Variants in CA10 observed in about 807,000 individuals in gnomAD.
CA10 encodes the protein carbonic anhydrase-related protein 10.
Under a neutral mutation model 44.2 loss-of-function variants are expected in CA10, and 14 were observed. The ratio of observed to expected loss-of-function variants is 0.32; its 90% CI spans 0.21 to 0.50. The LOEUF (loss-of-function observed/expected upper bound fraction) is 0.50, where lower values mean the gene tolerates loss of function less well. Among genes scored for constraint, CA10 ranks in the 20% least tolerant of loss-of-function variants. CA10 has a pLI of 0.99. For synonymous variants in CA10, 159 were observed against 141.6 expected, an observed-to-expected ratio of 1.12 and a Z score of -0.87; for missense variants, 350 against 409.7, an observed-to-expected ratio of 0.85 and a Z score of 1.26.
intron 4 of CA10, among the ~76,000 whole-genome samples, chr17:51,739,846 G>A (rs1480727513): frequency 6.6e-6 from 1 of 152,128 alleles, no homozygotes; most frequent in Non-Finnish European, 1.5e-5. Context: ...GGTGGGACTG[G>A]CTCTTAGAAT....
At chr17:52,117,694 T>G in intron 1 of CA10, among the ~76,000 whole-genome samples, 1 of 152,208 alleles carries the variant, frequency 6.6e-6, no homozygotes, top group East Asian at 1.9e-4. Context: ...AGTTAAAAAT[T>G]CCTAAGAGTT....
chr17:51,647,527 C>T (rs1055009466), intron 6 of CA10, among the ~76,000 whole-genome samples: 28 of 152,078 alleles, frequency 1.8e-4, no homozygotes, highest in African/African-American at 6.5e-4. Context: ...AGCCACATCA[C>T]TTAATATTAA....
intron 3 of CA10, among the ~76,000 whole-genome samples, chr17:51,894,463 A>G (rs992023670): frequency 1.3e-5 from 2 of 152,084 alleles, no homozygotes; most frequent in Non-Finnish European, 2.9e-5. Context: ...CATACCTCCT[A>G]AAGAAAAGAC....
intron 3 of CA10, among the ~76,000 whole-genome samples, chr17:51,909,710 C>T (rs1266551960): frequency 6.6e-6 from 1 of 152,032 alleles, no homozygotes; most frequent in Non-Finnish European, 1.5e-5. Flanking sequence ...AATTTAGTTT[C>T]CCAGAAAAAG....
At chr17:51,999,478 T>C (rs77005860) in intron 2 of CA10, among the ~76,000 whole-genome samples, 1,650 of 152,120 alleles carry the variant, frequency 0.011, 25 homozygotes, top group African/African-American at 0.038. Context: ...TCTTTTTATG[T>C]GGGCAAGATT....
intron 4 of CA10, among the ~76,000 whole-genome samples, chr17:51,686,684 C>T (rs1567803052): frequency 6.6e-6 from 1 of 152,156 alleles, no homozygotes; most frequent in African/African-American, 2.4e-5. Flanking sequence ...CCCACTTAAT[C>T]TCTCCACTTG....
chr17:52,104,571 T>C (rs1227083294), intron 1 of CA10, among the ~76,000 whole-genome samples: 1 of 152,082 alleles, frequency 6.6e-6, no homozygotes, highest in African/African-American at 2.4e-5. Flanking sequence ...TGGGAGAACT[T>C]TGTCAAAGCA....
At chr17:51,700,385 G>A (rs1337720952) in intron 4 of CA10, among the ~76,000 whole-genome samples, 1 of 152,168 alleles carries the variant, frequency 6.6e-6, no homozygotes. Flanking sequence ...GGCAATGGCT[G>A]ACAAGACCCC....
intron 4 of CA10, among the ~76,000 whole-genome samples, chr17:51,672,390 A>G (rs1914462118): frequency 6.6e-6 from 1 of 152,220 alleles, no homozygotes; most frequent in Admixed American, 6.5e-5. Flanking sequence ...AAGTGAGTAC[A>G]GTATTGCAGC....
intron 2 of CA10, among the ~76,000 whole-genome samples, chr17:52,048,546 C>T (rs1440567443): frequency 3.9e-5 from 6 of 151,948 alleles, no homozygotes; most frequent in African/African-American, 1.2e-4. Context: ...TGAATTTGAT[C>T]ATTTTCAGCT....
intron 3 of CA10, among the ~76,000 whole-genome samples, chr17:51,816,023 A>G (rs561951355): frequency 6.6e-6 from 1 of 152,154 alleles, no homozygotes; most frequent in East Asian, 1.9e-4. Context: ...GATCTTGTTC[A>G]TTCTTTCTAA....
intron 2 of CA10, among the ~76,000 whole-genome samples, chr17:51,932,065 G>A (rs1361601966): frequency 6.6e-6 from 1 of 152,050 alleles, no homozygotes; most frequent in East Asian, 1.9e-4. Context: ...AGTACATGCA[G>A]TGAACTCCTA....
intron 4 of CA10, among the ~76,000 whole-genome samples, chr17:51,745,039 T>G (rs1213500609): frequency 6.6e-6 from 1 of 152,280 alleles, no homozygotes; most frequent in South Asian, 2.1e-4. Context: ...CAAGCCTACA[T>G]TGGAGCAGTG....
At chr17:51,867,681 A>G (rs1372256220) in intron 3 of CA10, among the ~76,000 whole-genome samples, 1 of 152,208 alleles carries the variant, frequency 6.6e-6, no homozygotes, top group Non-Finnish European at 1.5e-5. Context: ...AGTTCCTGGA[A>G]GGCAACCAGT....
At chr17:51,960,107 T>C (rs955620400) in intron 2 of CA10, among the ~76,000 whole-genome samples, 33 of 151,548 alleles carry the variant, frequency 2.2e-4, no homozygotes, top group Admixed American at 3.9e-4. Context: ...GTAAATATTT[T>C]AAAAATAAAA....
intron 3 of CA10, among the ~76,000 whole-genome samples, chr17:51,909,045 G>A (rs540083969): frequency 1.3e-5 from 2 of 152,240 alleles, no homozygotes; most frequent in Non-Finnish European, 2.9e-5. Flanking sequence ...TACATTTCAG[G>A]GAAGACTGTA....
chr17:51,914,352 C>A (rs989965250), intron 3 of CA10, among the ~76,000 whole-genome samples: 2 of 152,158 alleles, frequency 1.3e-5, no homozygotes, highest in African/African-American at 4.8e-5. Context: ...GACTCTATGG[C>A]TGCCAGAACT....
intron 3 of CA10, among the ~76,000 whole-genome samples, chr17:51,862,003 C>T (rs546963994): frequency 4.6e-5 from 7 of 152,290 alleles, no homozygotes; most frequent in Non-Finnish European, 8.8e-5. Context: ...ACAACAGCCA[C>T]CTGCTTGCTA....
chr17:51,803,991 G>T (rs1289100444), intron 3 of CA10, among the ~76,000 whole-genome samples: 1 of 152,194 alleles, frequency 6.6e-6, no homozygotes, highest in African/African-American at 2.4e-5. Flanking sequence ...CTGGCCGTGT[G>T]ATCTTGACCA....
Sources: allele counts gnomAD v4.1 joint callset (sites outside exome capture counted in the v4.1 genomes callset), GRCh38; gene constraint gnomAD v4.1.1; transcripts MANE v1.5; gene names NCBI Gene and HGNC (gene_info 2026-07-23, HGNC 2026-07-21).